Variants in GRIA4 observed in about 807,000 individuals in gnomAD.
GRIA4 encodes glutamate ionotropic receptor AMPA type subunit 4, also known as glutamate receptor 4.
Under a neutral mutation model 104.0 loss-of-function variants are expected in GRIA4, and 34 were observed. The observed-to-expected ratio is 0.33, with a 90% CI of 0.25 to 0.44. GRIA4 has a LOEUF of 0.44. Ranked by LOEUF, GRIA4 falls within the 20% of genes least tolerant of loss-of-function variation. The probability of loss-of-function intolerance (pLI) is 1.00; values close to 1 mark genes in which losing one functional copy is unlikely to be tolerated. For missense variants in GRIA4, 750 were observed against 1,096.5 expected (o/e 0.68, Z 4.46); for synonymous variants, 386 against 381.9 (o/e 1.01, Z -0.13).
chr11:105,975,240 T>C (rs879686739), intron 16 of GRIA4, among the ~76,000 whole-genome samples: 5 of 152,172 alleles, frequency 3.3e-5, no homozygotes, highest in Non-Finnish European at 7.4e-5. Flanking sequence ...ATCACTAAGG[T>C]AAATAGACAT....
At chr11:105,857,280 A>G (rs987805181) in intron 4 of GRIA4, among the ~76,000 whole-genome samples, 1 of 152,182 alleles carries the variant, frequency 6.6e-6, no homozygotes, top group Non-Finnish European at 1.5e-5. Flanking sequence ...AAGTGGCGTT[A>G]GACACACACA....
chr11:105,631,692 G>GA (rs1951039607), intron 3 of GRIA4, among the ~76,000 whole-genome samples: 1 of 151,642 alleles, frequency 6.6e-6, no homozygotes, highest in South Asian at 2.1e-4. Context: ...ACACTTTATT[G>GA]AAAAAAAAGT....
chr11:105,860,530 A>T (rs1945181306), intron 4 of GRIA4, among the ~76,000 whole-genome samples: 1 of 152,236 alleles, frequency 6.6e-6, no homozygotes, highest in Non-Finnish European at 1.5e-5. Flanking sequence ...AGAGGACTAG[A>T]ATATTCTGTT....
At chr11:105,794,443 G>C (rs12276327) in intron 4 of GRIA4, among the ~76,000 whole-genome samples, 705 of 69,188 alleles carry the variant, frequency 0.01, 23 homozygotes, top group African/African-American at 0.029. Flanking sequence ...GTGTGTGTGT[G>C]TGTGTGTGTC....
At chr11:105,784,668 T>A (rs893748886) in intron 4 of GRIA4, among the ~76,000 whole-genome samples, 13 of 152,148 alleles carry the variant, frequency 8.5e-5, no homozygotes, top group Non-Finnish European at 1.9e-4. Context: ...TAATAAACTA[T>A]CAATTTTGCA....
At chr11:105,934,459 G>T (rs1379995773) in intron 14 of GRIA4, among the ~76,000 whole-genome samples, 2 of 152,058 alleles carry the variant, frequency 1.3e-5, no homozygotes, top group Non-Finnish European at 2.9e-5. Context: ...TCTTGAGGTT[G>T]TATTCATGCT....
chr11:105,663,080 C>A (rs960743338), intron 3 of GRIA4, among the ~76,000 whole-genome samples: 4 of 151,762 alleles, frequency 2.6e-5, no homozygotes, highest in African/African-American at 9.7e-5. Flanking sequence ...TTTATAATAA[C>A]TATAAACTCA....
chr11:105,934,631 T>C (rs1947979316), intron 14 of GRIA4, among the ~76,000 whole-genome samples: 1 of 152,130 alleles, frequency 6.6e-6, no homozygotes, highest in Non-Finnish European at 1.5e-5. Flanking sequence ...CAAAAATGCT[T>C]ACAGATAGAC....
At chr11:105,799,273 C>G (rs1182809166) in intron 4 of GRIA4, among the ~76,000 whole-genome samples, 4 of 152,048 alleles carry the variant, frequency 2.6e-5, no homozygotes, top group Admixed American at 2.6e-4. Flanking sequence ...GTGACCTTCT[C>G]AAGAGCAGTT....
intron 3 of GRIA4, among the ~76,000 whole-genome samples, chr11:105,709,900 G>A (rs997079623): frequency 6.6e-6 from 1 of 152,036 alleles, no homozygotes; most frequent in African/African-American, 2.4e-5. Flanking sequence ...AGTAGAAGGA[G>A]GTTTAAGGAA....
intron 3 of GRIA4, 21 bp downstream of exon 3, chr11:105,612,455 G>A (rs1004350206): frequency 3.1e-6 from 5 of 1,605,404 alleles, no homozygotes; most frequent in Non-Finnish European, 4.3e-6. Flanking sequence ...CATAAGCTAT[G>A]AAAAATTAGA....
Position 105,793,294 on chromosome 11 carries a change from A to G in GRIA4, c.487+40074A>G, listed in dbSNP as rs73552291. On this transcript the variant is annotated intron_variant, in intron 4 of 16. Coordinates refer to ENST00000282499, the MANE Select transcript of GRIA4 (RefSeq NM_000829.4). ...TTTCCCTTGGGTTTCAAAACTGTGG[A>G]CAGCGACAGGGATACTACACAGACC... Among the ~76,000 whole-genome samples the G allele has an allele frequency of 2.2e-3, 328 of 152,166 alleles. 2 individuals carry two copies. The highest frequency in any genetic ancestry group is 7.5e-3 in the African/African-American group (313 of 41,540).
intron 16 of GRIA4, among the ~76,000 whole-genome samples, chr11:105,978,155 AG>A (rs1371944889): frequency 6.6e-6 from 1 of 152,096 alleles, no homozygotes; most frequent in African/African-American, 2.4e-5. Context: ...AAAGATAAAA[AG>A]TATCTTCCTA....
At chr11:105,656,474 A>G (rs1951850131) in intron 3 of GRIA4, among the ~76,000 whole-genome samples, 1 of 152,168 alleles carries the variant, frequency 6.6e-6, no homozygotes, top group Non-Finnish European at 1.5e-5. Context: ...CAAAGACTTC[A>G]TGACTAAAAC....
At chr11:105,721,644 AG>A (rs537289401) in intron 3 of GRIA4, among the ~76,000 whole-genome samples, 1 of 152,224 alleles carries the variant, frequency 6.6e-6, no homozygotes, top group Admixed American at 6.5e-5. Context: ...GCAACCAAAC[AG>A]AACAGAAAAA....
intron 3 of GRIA4, among the ~76,000 whole-genome samples, chr11:105,666,798 C>A (rs1952180041): frequency 6.6e-6 from 1 of 151,608 alleles, no homozygotes; most frequent in South Asian, 2.1e-4. Context: ...ATTTAATTCT[C>A]TCCTTTGTTT....
Position 105,933,829 on chromosome 11 carries a change from C to G in GRIA4, c.2154C>G (p.Ser718=), listed in dbSNP as rs753437627. 50 of 1,613,394 alleles carry G rather than the reference C, an allele frequency of 3.1e-5. No homozygotes were observed. In the South Asian group the frequency reaches 5.2e-4, roughly 17 times the overall value. Residue 718 remains serine, a synonymous_variant, in exon 14 of 17, where the codon TCC becomes TCG. Transcript: ENST00000282499. ...AGGGAGTAGCTCGTGTCCGCAAATC[C>G]AAGGGCAAATTTGCCTTTCTCCTGG... ...TAEGVARVRK[S]KGKFAFLLES...
At chr11:105,759,644 T>G (rs1940508440) in intron 4 of GRIA4, among the ~76,000 whole-genome samples, 1 of 151,984 alleles carries the variant, frequency 6.6e-6, no homozygotes, top group African/African-American at 2.4e-5. Context: ...AAAATGGTTT[T>G]TCCAAAGATT....
At chr11:105,712,213 C>G (rs1196230317) in intron 3 of GRIA4, among the ~76,000 whole-genome samples, 8 of 151,960 alleles carry the variant, frequency 5.3e-5, no homozygotes, top group Non-Finnish European at 1.2e-4. Flanking sequence ...TTGGCATTTG[C>G]TTTTTCATAG....
Sources: allele counts gnomAD v4.1 joint callset (sites outside exome capture counted in the v4.1 genomes callset), GRCh38; gene constraint gnomAD v4.1.1; transcripts MANE v1.5; gene names NCBI Gene and HGNC (gene_info 2026-07-23, HGNC 2026-07-21).